Variants in ZBED3 observed in about 807,000 individuals in gnomAD.
ZBED3 encodes the protein zinc finger BED-type containing 3.
For missense variants in ZBED3, 388 were observed against 362.9 expected, an observed-to-expected ratio of 1.07 and a Z score of -0.56; for synonymous variants, 175 against 180.0, an observed-to-expected ratio of 0.97 and a Z score of 0.22.
chr5:77,087,169 A>T lies in ZBED3; in HGVS notation c.-211T>A, dbSNP rs1436983306. On this transcript the variant is annotated 5_prime_UTR_variant, in exon 1 of 3. Coordinates refer to ENST00000255198, the MANE Select transcript of ZBED3 (RefSeq NM_032367.4). ...GCGGGTCGGGAGTCCGAGATGGTAG[A>T]TCCCCCTCCAGGCGCCTCGCTGACA... The T allele has an allele frequency of 6.6e-6, 1 of 152,356 alleles. No individual in the cohort carries two copies. Among genetic ancestry groups the T allele is most frequent in the Non-Finnish European group, 1.5e-5 (1 of 68,212 alleles). 9.4% of individuals were successfully genotyped at this position (152,356 alleles called of 1,614,324 possible).
Position 77,077,636 on chromosome 5 carries a change from G to A in ZBED3, c.243C>T (p.Gly81=). ...LCGEQVGRGP[G]FHAGTSALWR... is the part of the protein sequence containing the mutation. ...ACAACGCCGAGGTCCCCGCGTGGAA[G>A]CCCGGGCCGCGGCCCACCTGCTCCC... The change falls in exon 3 of 3, where the codon GGC becomes GGT. Residue 81 remains glycine (G), a synonymous_variant. Coordinates refer to ENST00000255198, the MANE Select transcript of ZBED3 (RefSeq NM_032367.4). 1 of 1,411,568 alleles carries A rather than the reference G, an allele frequency of 7.1e-7. No individual in the cohort carries two copies. The highest frequency in any genetic ancestry group is 9.2e-7 in the Non-Finnish European group (1 of 1,082,590). The allele number at this position is 1,411,568 out of a possible 1,614,324, so 87.4% of individuals were successfully genotyped here.
chr5:77,084,349 T>G (rs1437793504), intron 1 of ZBED3, among the ~76,000 whole-genome samples: 2 of 152,222 alleles, frequency 1.3e-5, no homozygotes, highest in Admixed American at 1.3e-4. Context: ...TCTCCCATAC[T>G]GTTCTTGTGC....
chr5:77,078,030 AG>A, intron 2 of ZBED3, 135 bp from the exon 3 acceptor site: 1 of 600,984 alleles, frequency 1.7e-6, no homozygotes, highest in Non-Finnish European at 2.4e-6. Flanking sequence ...AGATAGTCTA[AG>A]TTTCTTTCTA....
intron 1 of ZBED3, among the ~76,000 whole-genome samples, chr5:77,080,956 C>T (rs1243076739): frequency 6.6e-6 from 1 of 152,210 alleles, no homozygotes; most frequent in Admixed American, 6.5e-5. Flanking sequence ...AACTCGAGTG[C>T]ATTTCAGCTG....
intron 2 of ZBED3, 110 bp from the exon 3 acceptor site, chr5:77,078,005 G>C (rs1365885774): frequency 8.0e-6 from 6 of 747,842 alleles, no homozygotes; most frequent in Non-Finnish European, 1.1e-5. Context: ...CCGATGAAAA[G>C]CCTATAGTGT....
intron 1 of ZBED3, among the ~76,000 whole-genome samples, chr5:77,082,232 A>C (rs570707243): frequency 6.6e-6 from 1 of 151,602 alleles, no homozygotes; most frequent in Non-Finnish European, 1.5e-5. Context: ...GCACCATTGC[A>C]TTCCAGCCTG....
intron 1 of ZBED3, among the ~76,000 whole-genome samples, chr5:77,079,741 T>C (rs1459497747): frequency 6.6e-6 from 1 of 152,146 alleles, no homozygotes. Context: ...GGCTACATTT[T>C]CCCCCAAGAG....
At position 77,076,761 on chromosome 5, in the gene ZBED3, T is replaced by C. The variant is rs1304630556; in HGVS notation, c.*413A>G. 1.3e-5 allele frequency: 2 copies of C among 157,074 alleles called. No individual in the cohort carries two copies. Among genetic ancestry groups the C allele is most frequent in the Non-Finnish European group, 2.8e-5 (2 of 72,010 alleles). The allele number at this position is 157,074 out of a possible 1,614,324, so 9.7% of individuals were successfully genotyped here. ...CCTCCACCTTGGGCTGCTGGGTGTA[T>C]AGGCACATGGTGTGATAAGTCTTTG... On this transcript the variant is annotated 3_prime_UTR_variant, in exon 3 of 3. Coordinates refer to ENST00000255198, the MANE Select transcript of ZBED3 (RefSeq NM_032367.4).
In ZBED3 at chr5:77,076,690, CT is replaced by C. The variant is rs35247540; in HGVS notation, c.*483del. On this transcript the variant is annotated 3_prime_UTR_variant, in exon 3 of 3. Coordinates refer to ENST00000255198, the MANE Select transcript of ZBED3 (RefSeq NM_032367.4). ...TTGGGCAGATTATGCATTAGGAACT[CT>C]TTTTTTTTTTTTTTTGGGTAAAAAG... 0.43 allele frequency: 61,237 copies of C among 143,616 alleles called. 12,946 individuals are homozygous for C. Among genetic ancestry groups the C allele is most frequent in the Admixed American group, 0.48 (7,001 of 14,586 alleles). 8.9% of individuals were successfully genotyped at this position (143,616 alleles called of 1,614,324 possible). A position where few individuals can be genotyped will look rare whatever the true frequency, so the allele number is the denominator to read the frequency against.
In ZBED3 at chr5:77,077,780, C is replaced by T; in HGVS notation, c.99G>A (p.Pro33=). The change falls in exon 3 of 3, where the codon CCG becomes CCA. Residue 33 remains proline (P), a synonymous_variant. Transcript: ENST00000255198. The stretch of plus-strand genomic sequence containing the variant: ...CCAGGCGGCCGGGAGGCGTCGGCGT[C>T]GGCGCCGGCCCCAGTCCCGGACACT... ...GGQCPGLGPA[P]TPTPPGRLGA... 7.6e-7 allele frequency: 1 copy of T among 1,309,922 alleles called. No individual in the cohort carries two copies. Among genetic ancestry groups the T allele is most frequent in the Non-Finnish European group, 9.7e-7 (1 of 1,035,320 alleles). 81.1% of individuals were successfully genotyped at this position (1,309,922 alleles called of 1,614,324 possible).
Position 77,077,112 on chromosome 5 carries a change from G to A in ZBED3, c.*62C>T. On this transcript the variant is annotated 3_prime_UTR_variant, in exon 3 of 3. Coordinates refer to ENST00000255198, the MANE Select transcript of ZBED3 (RefSeq NM_032367.4). ...CGGTTACGGCTTCGGTCCCAGCGGGGTCTGAAGGCATTGGCATTGGACGGA... is the reference window on the plus strand; with the variant it reads ...CGGTTACGGCTTCGGTCCCAGCGGGATCTGAAGGCATTGGCATTGGACGGA... 8.1e-7 allele frequency: 1 copy of A among 1,236,476 alleles called. No individual in the cohort carries two copies. Among genetic ancestry groups the A allele is most frequent in the Non-Finnish European group, 1.0e-6 (1 of 966,908 alleles). The allele number at this position is 1,236,476 out of a possible 1,614,324, so 76.6% of individuals were successfully genotyped here. A position where few individuals can be genotyped will look rare whatever the true frequency, so the allele number is the denominator to read the frequency against.
chr5:77,084,751 C>T (rs1301213105), intron 1 of ZBED3, among the ~76,000 whole-genome samples: 2 of 152,174 alleles, frequency 1.3e-5, no homozygotes, highest in East Asian at 1.9e-4. Context: ...CCTTCCCCTC[C>T]CATGCCCCAC....
In ZBED3 at chr5:77,076,620, G is replaced by C. The variant is rs1743008581; in HGVS notation, c.*554C>G. On this transcript the variant is annotated 3_prime_UTR_variant, in exon 3 of 3. Coordinates refer to ENST00000255198, the MANE Select transcript of ZBED3 (RefSeq NM_032367.4). Reference sequence around the variant, plus strand: ...GATGATGCGGGTCTACAGCAGTCATGGAAACTAGAGGGGACGTCCCTCACC... The same window carrying C: ...GATGATGCGGGTCTACAGCAGTCATCGAAACTAGAGGGGACGTCCCTCACC... 1 of 152,072 alleles carries C rather than the reference G, an allele frequency of 6.6e-6. No individual in the cohort carries two copies. Among genetic ancestry groups the C allele is most frequent in the South Asian group, 2.1e-4 (1 of 4,820 alleles). The allele number at this position is 152,072 out of a possible 1,614,324, so 9.4% of individuals were successfully genotyped here.
Position 77,079,785 on chromosome 5 carries a change from G to A in ZBED3, c.-152-1057C>T, listed in dbSNP as rs529828753. Reference sequence around the variant, plus strand: ...CATTGCTAAAGTCTCAAAAGTGGGGGAAAGTAGGATGAGGAGTTACAGACC... The same window carrying A: ...CATTGCTAAAGTCTCAAAAGTGGGGAAAAGTAGGATGAGGAGTTACAGACC... On this transcript the variant is annotated intron_variant, in intron 1 of 2. Transcript: ENST00000255198. Among the ~76,000 whole-genome samples, 10 of 152,340 alleles carry A rather than the reference G, an allele frequency of 6.6e-5. No individual in the cohort carries two copies. In the South Asian group the frequency reaches 2.1e-3, roughly 32 times the overall value.
chr5:77,081,111 C>T (rs1743121004), intron 1 of ZBED3, among the ~76,000 whole-genome samples: 2 of 152,096 alleles, frequency 1.3e-5, no homozygotes, highest in Admixed American at 6.5e-5. Context: ...GACCTAACAG[C>T]TCCACTGGCC....
rs1375118215 is a variant in ZBED3 at position 77,075,986 on chromosome 5, T to A, written c.*1188A>T. 1 of 27,448 alleles carries A rather than the reference T, an allele frequency of 3.6e-5. No individual in the cohort carries two copies. Among genetic ancestry groups the A allele is most frequent in the Non-Finnish European group, 7.3e-5 (1 of 13,678 alleles). 1.7% of individuals were successfully genotyped at this position (27,448 alleles called of 1,614,324 possible). On this transcript the variant is annotated 3_prime_UTR_variant, in exon 3 of 3. Coordinates refer to ENST00000255198, the MANE Select transcript of ZBED3 (RefSeq NM_032367.4). ...ATATATGTATATGTATATATGTATA[T>A]ATATATGTATATATGTATATATATA...
chr5:77,075,969 A>ATATATATATATATATG lies in ZBED3; in HGVS notation c.*1204_*1205insCATATATATATATATA. 1.3e-3 allele frequency: 26 copies of ATATATATATATATATG among 20,140 alleles called. 3 individuals are homozygous for ATATATATATATATATG. The highest frequency in any genetic ancestry group is 2.4e-3 in the African/African-American group (11 of 4,630). 1.2% of individuals were successfully genotyped at this position (20,140 alleles called of 1,614,324 possible). A position where few individuals can be genotyped will look rare whatever the true frequency, so the allele number is the denominator to read the frequency against. ...CATATATATATATATATATATATGT[A>ATATATATATATATATG]TATGTATATATGTATATATATATGT... On this transcript the variant is annotated 3_prime_UTR_variant, in exon 3 of 3. Transcript: ENST00000255198.
intron 1 of ZBED3, among the ~76,000 whole-genome samples, chr5:77,079,893 G>A (rs1378556960): frequency 6.6e-6 from 1 of 152,122 alleles, no homozygotes; most frequent in Non-Finnish European, 1.5e-5. Flanking sequence ...AGATTTAAGT[G>A]TTATAAACAT....
chr5:77,077,756 C>G lies in ZBED3; in HGVS notation c.123G>C (p.Leu41=). ...PAPTPTPPGR[L]GAPYSEAWGY... is the part of the protein sequence containing the mutation. ...CCCAGGCCTCGGAGTATGGCGCCCC[C>G]AGGCGGCCGGGAGGCGTCGGCGTCG... Residue 41 remains leucine (L), a synonymous_variant, in exon 3 of 3, where the codon CTG becomes CTC. Transcript: ENST00000255198. 7.6e-7 allele frequency: 1 copy of G among 1,321,066 alleles called. No individual in the cohort carries two copies. Among genetic ancestry groups the G allele is most frequent in the Non-Finnish European group, 9.6e-7 (1 of 1,038,490 alleles). The allele number at this position is 1,321,066 out of a possible 1,614,324, so 81.8% of individuals were successfully genotyped here.
Sources: allele counts gnomAD v4.1 joint callset (sites outside exome capture counted in the v4.1 genomes callset), GRCh38; gene constraint gnomAD v4.1.1; transcripts MANE v1.5; gene names NCBI Gene and HGNC (gene_info 2026-07-23, HGNC 2026-07-21).